The following PID1 variants were observed in gnomAD, a reference collection of about 807,000 sequenced individuals.
PID1 encodes the protein phosphotyrosine interaction domain containing 1.
In PID1, 10 loss-of-function variants were observed where a neutral mutation model predicts 19.1. The ratio of observed to expected loss-of-function variants is 0.52; its 90% CI spans 0.32 to 0.89. The LOEUF (loss-of-function observed/expected upper bound fraction) is 0.89, where lower values mean the gene tolerates loss of function less well. PID1 is among the 40% of genes least tolerant of loss of function. The pLI, the probability that PID1 is intolerant of heterozygous loss-of-function variation, is 0.03. For synonymous variants in PID1, 130 were observed against 116.0 expected, an observed-to-expected ratio of 1.12 and a Z score of -0.78; for missense variants, 248 against 285.3, an observed-to-expected ratio of 0.87 and a Z score of 0.94.
chr2:229,251,712 T>G (rs1690155263), intron 1 of PID1, among the ~76,000 whole-genome samples: 1 of 152,020 alleles, frequency 6.6e-6, no homozygotes, highest in South Asian at 2.1e-4. Flanking sequence ...AAAATTAAAT[T>G]TCCTATGTAA....
At chr2:229,199,007 T>C (rs1211357937) in intron 1 of PID1, among the ~76,000 whole-genome samples, 2 of 152,002 alleles carry the variant, frequency 1.3e-5, no homozygotes, top group Non-Finnish European at 2.9e-5. Flanking sequence ...GCTAACAAGG[T>C]CTAACTCCTG....
chr2:229,211,783 A>G (rs955325764), intron 1 of PID1, among the ~76,000 whole-genome samples: 5 of 152,232 alleles, frequency 3.3e-5, no homozygotes, highest in Non-Finnish European at 7.3e-5. Flanking sequence ...TCTGGGAAAG[A>G]AAGCATCACA....
At chr2:229,269,235 A>G (rs1362439843) in intron 1 of PID1, among the ~76,000 whole-genome samples, 1 of 152,238 alleles carries the variant, frequency 6.6e-6, no homozygotes, top group Non-Finnish European at 1.5e-5. Flanking sequence ...ACACCTTGAA[A>G]TAAAATAAAC....
At chr2:229,095,745 T>C (rs1694960537) in intron 2 of PID1, among the ~76,000 whole-genome samples, 1 of 152,122 alleles carries the variant, frequency 6.6e-6, no homozygotes, top group Admixed American at 6.6e-5. Context: ...GACCGATCAG[T>C]CATTCACTGA....
intron 2 of PID1, among the ~76,000 whole-genome samples, chr2:229,047,300 C>G (rs1693903489): frequency 6.6e-6 from 1 of 152,154 alleles, no homozygotes; most frequent in African/African-American, 2.4e-5. Flanking sequence ...CTGGCCCCCA[C>G]CCTGCTAGCA....
chr2:229,141,124 G>A (rs761429076), intron 2 of PID1, among the ~76,000 whole-genome samples: 20 of 151,988 alleles, frequency 1.3e-4, no homozygotes, highest in East Asian at 5.8e-4. Context: ...GCTATGAAGC[G>A]GAAATAAAAT....
At chr2:229,097,597 G>A (rs1426944097) in intron 2 of PID1, among the ~76,000 whole-genome samples, 1 of 152,018 alleles carries the variant, frequency 6.6e-6, no homozygotes, top group African/African-American at 2.4e-5. Flanking sequence ...TGTCAATACT[G>A]AAAAATAAAA....
chr2:229,120,085 T>C (rs1006474766), intron 2 of PID1, among the ~76,000 whole-genome samples: 1 of 152,188 alleles, frequency 6.6e-6, no homozygotes, highest in Non-Finnish European at 1.5e-5. Context: ...TCCATAATCA[T>C]GTGAGCCAAC....
chr2:229,127,461 A>G (rs1695645865), intron 2 of PID1, among the ~76,000 whole-genome samples: 1 of 152,178 alleles, frequency 6.6e-6, no homozygotes. Context: ...CAAGCTGTGT[A>G]AACTGCCATA....
At chr2:229,218,267 A>C (rs1326790043) in intron 1 of PID1, among the ~76,000 whole-genome samples, 1 of 145,996 alleles carries the variant, frequency 6.8e-6, no homozygotes, top group Non-Finnish European at 1.5e-5. Flanking sequence ...ACTTGAAATA[A>C]CTTCTCTACA....
At chr2:229,157,317 C>A (rs1690393930) in intron 1 of PID1, among the ~76,000 whole-genome samples, 2 of 151,834 alleles carry the variant, frequency 1.3e-5, no homozygotes, top group South Asian at 4.2e-4. Flanking sequence ...GTAATCCTAG[C>A]TACTTGGGAA....
intron 1 of PID1, among the ~76,000 whole-genome samples, chr2:229,203,316 A>T (rs913692631): frequency 6.6e-6 from 1 of 152,112 alleles, no homozygotes; most frequent in Non-Finnish European, 1.5e-5. Context: ...GGAAATCCTT[A>T]AGCCAAAATA....
intron 1 of PID1, among the ~76,000 whole-genome samples, chr2:229,157,216 G>A (rs1339834974): frequency 6.6e-6 from 1 of 152,124 alleles, no homozygotes; most frequent in African/African-American, 2.4e-5. Flanking sequence ...GATCACGTGA[G>A]GTCACAAGTT....
At chr2:229,187,925 C>T (rs553390469) in intron 1 of PID1, among the ~76,000 whole-genome samples, 29 of 152,216 alleles carry the variant, frequency 1.9e-4, no homozygotes, top group African/African-American at 5.3e-4. Flanking sequence ...CCTCATCATC[C>T]GCTGAAATGA....
chr2:229,193,736 A>G (rs773404976), intron 1 of PID1, among the ~76,000 whole-genome samples: 10 of 151,680 alleles, frequency 6.6e-5, no homozygotes, highest in Admixed American at 2.0e-4. Context: ...TAAATAATAT[A>G]TACTTAATAG....
chr2:229,065,218 C>T (rs975559402), intron 2 of PID1, among the ~76,000 whole-genome samples: 2 of 152,074 alleles, frequency 1.3e-5, no homozygotes, highest in Non-Finnish European at 2.9e-5. Context: ...TTCTTTTGAC[C>T]GCCAGCCAAA....
intron 2 of PID1, among the ~76,000 whole-genome samples, chr2:229,109,270 G>C (rs755553528): frequency 1.6e-4 from 24 of 152,084 alleles, no homozygotes; most frequent in Non-Finnish European, 2.5e-4. Context: ...TTGGGTTACG[G>C]GTGATTTCAA....
Position 229,190,676 on chromosome 2 carries a change from GA to G in PID1, c.31-34713del, listed in dbSNP as rs372414079. ...TTGACTGCTGATACTATATTGGGCA[GA>G]CATTTTGCTTCCAAGCATCATTACT... is the stretch of plus-strand genomic sequence containing the variant. On this transcript the variant is annotated intron_variant, in intron 1 of 2. Transcript: ENST00000392055. 2.2e-4 allele frequency among the ~76,000 whole-genome samples: 33 copies of G among 152,344 alleles called. No homozygotes were observed. The South Asian group carries it at 5.6e-3, about 26-fold the overall frequency.
Position 229,105,331 on chromosome 2 carries a change from C to T in PID1, c.177+50487G>A, listed in dbSNP as rs147498572. ...TCCTCCCCAGGGGAGATTCAATCAC[C>T]GACAGTGAGTTTCCTTCTGCTGCAG... On this transcript the variant is annotated intron_variant, in intron 2 of 2. Transcript: ENST00000392055. Among the ~76,000 whole-genome samples, 811 of 152,292 alleles carry T rather than the reference C, an allele frequency of 5.3e-3. 3 individuals are homozygous for T. Among genetic ancestry groups the T allele is most frequent in the Non-Finnish European group, 8.3e-3 (563 of 68,018 alleles).
Sources: allele counts gnomAD v4.1 joint callset (sites outside exome capture counted in the v4.1 genomes callset), GRCh38; gene constraint gnomAD v4.1.1; transcripts MANE v1.5; gene names NCBI Gene and HGNC (gene_info 2026-07-23, HGNC 2026-07-21).